Variants in LYRM4 observed in about 807,000 individuals in gnomAD.
LYRM4 encodes LYR motif containing 4.
LYRM4 carries 9 observed loss-of-function variants against 11.7 expected under a neutral mutation model. That is an observed-to-expected ratio of 0.77 (90% CI 0.46 to 1.34). The LOEUF (loss-of-function observed/expected upper bound fraction) is 1.34. LYRM4 is among the 40% of genes most tolerant of loss of function. The probability of loss-of-function intolerance (pLI) is 0.00; values close to 1 mark genes in which losing one functional copy is unlikely to be tolerated. For synonymous variants in LYRM4, 42 were observed against 40.4 expected (o/e 1.04, Z -0.15); for missense variants, 133 against 112.5 (o/e 1.18, Z -0.82).
chr6:5,173,949 C>T (rs1201547755), intron 2 of LYRM4, among the ~76,000 whole-genome samples: 1 of 152,138 alleles, frequency 6.6e-6, no homozygotes, highest in African/African-American at 2.4e-5. Flanking sequence ...TGAAGTGACA[C>T]TGGAAACTAT....
chr6:5,165,754 A>C (rs778266257), intron 2 of LYRM4, among the ~76,000 whole-genome samples: 10 of 152,072 alleles, frequency 6.6e-5, no homozygotes, highest in Non-Finnish European at 1.5e-4. Context: ...TGGTGGCTAG[A>C]GTGGTCTCGA....
chr6:5,112,796 G>A (rs952246139), intron 2 of LYRM4, among the ~76,000 whole-genome samples: 3 of 152,204 alleles, frequency 2.0e-5, no homozygotes, highest in African/African-American at 2.4e-5. Context: ...CTCAAGGGAG[G>A]AAGAGCTCAG....
intron 2 of LYRM4, chr6:5,113,402 A>C: frequency 2.5e-6 from 1 of 406,482 alleles, no homozygotes; most frequent in Non-Finnish European, 5.0e-6. Flanking sequence ...TGGGTGACAG[A>C]GCGAGATTCC....
At chr6:5,225,574 T>C (rs1014155155) in intron 1 of LYRM4, among the ~76,000 whole-genome samples, 7 of 152,234 alleles carry the variant, frequency 4.6e-5, no homozygotes, top group African/African-American at 1.7e-4. Flanking sequence ...TATATACTAT[T>C]GTATAGATGA....
chr6:5,237,192 G>A lies in LYRM4; in HGVS notation c.87-20454C>T, dbSNP rs191218785. Among the ~76,000 whole-genome samples the A allele has an allele frequency of 9.2e-5, 14 of 152,248 alleles. No individual in the cohort carries two copies. In the East Asian group the frequency reaches 2.1e-3, roughly 23 times the overall value. On this transcript the variant is annotated intron_variant, in intron 1 of 2. Coordinates refer to ENST00000330636, the MANE Select transcript of LYRM4 (RefSeq NM_020408.6). ...CTGGGCTGCACAGCAGCAGATGAGC[G>A]AAGCTTCATCTGTATTTATAGCCAC...
chr6:5,132,144 A>C (rs1354958609), intron 2 of LYRM4, among the ~76,000 whole-genome samples: 1 of 152,220 alleles, frequency 6.6e-6, no homozygotes, highest in Non-Finnish European at 1.5e-5. Context: ...CTCAGGGATT[A>C]AGTTTGAGGA....
At chr6:5,150,500 G>A (rs1000021678) in intron 2 of LYRM4, among the ~76,000 whole-genome samples, 2 of 152,148 alleles carry the variant, frequency 1.3e-5, no homozygotes, top group Non-Finnish European at 2.9e-5. Flanking sequence ...ACCTCATAGG[G>A]AGGTGAGGTC....
rs549475807 is a variant in LYRM4 at position 5,260,580 on chromosome 6, G to C, written c.86+68C>G. ...CTCCCAGTCCCCGGGGATATTCCGC[G>C]TCAGCCCGCACCCCCGGTCCCCGGC... On this transcript the variant is annotated intron_variant, in intron 1 of 2. Transcript: ENST00000330636. 1.6e-5 allele frequency: 23 copies of C among 1,397,646 alleles called. 1 individual carries two copies. The South Asian group carries it at 1.8e-4, about 11-fold the overall frequency. 86.6% of individuals were successfully genotyped at this position (1,397,646 alleles called of 1,614,324 possible).
the LYRM4 span, among the ~76,000 whole-genome samples, chr6:5,059,822 C>T: frequency 6.8e-6 from 1 of 147,898 alleles, no homozygotes; most frequent in African/African-American, 2.5e-5. Context: ...TTTTAAGAGA[C>T]AGGGGTCTTG....
chr6:5,144,048 C>T, intron 2 of LYRM4: 2 of 1,433,274 alleles, frequency 1.4e-6, no homozygotes, highest in East Asian at 2.5e-5. Flanking sequence ...GCTTTCCTCC[C>T]TGAATAGCTG....
At chr6:5,218,353 GGGAGCAGCGC>G in intron 1 of LYRM4, 1 of 985,186 alleles carries the variant, frequency 1.0e-6, no homozygotes, top group Non-Finnish European at 1.2e-6. Flanking sequence ...AAATTTCCTT[GGGAGCAGCGC>G]GGAGGGGGTG....
rs1400074332 is a variant in LYRM4 at position 5,129,737 on chromosome 6, T to C, written c.208-20246A>G. ...CATTATTCAGCCTACCAGATCTTCC[T>C]TTATGGCTTTGTTGAAAACAATTAT... On this transcript the variant is annotated intron_variant, in intron 2 of 2. Transcript: ENST00000330636. 2.0e-5 allele frequency among the ~76,000 whole-genome samples: 3 copies of C among 152,376 alleles called. No homozygotes were observed. In the East Asian group the frequency reaches 5.8e-4, roughly 29 times the overall value.
the LYRM4 span, among the ~76,000 whole-genome samples, chr6:5,062,398 A>C: frequency 2.0e-5 from 3 of 151,840 alleles, no homozygotes; most frequent in African/African-American, 7.3e-5. Context: ...TCCTGGCATC[A>C]AGTGATCCTC....
intron 1 of LYRM4, among the ~76,000 whole-genome samples, chr6:5,250,398 A>T (rs2127769374): frequency 6.6e-6 from 1 of 152,206 alleles, no homozygotes; most frequent in African/African-American, 2.4e-5. Context: ...TCACCCCAAA[A>T]CCTTGGCTGC....
At chr6:5,226,190 T>C (rs1360664671) in intron 1 of LYRM4, among the ~76,000 whole-genome samples, 1 of 152,234 alleles carries the variant, frequency 6.6e-6, no homozygotes, top group Non-Finnish European at 1.5e-5. Context: ...GCTTCTGTGT[T>C]ACACATCATA....
rs140261616 is a variant in LYRM4, at chr6:5,247,187, G to C, written c.86+13461C>G. Reference sequence around the variant, plus strand: ...ATTGGGAATTTACCTCAAGTTTCAAGTTTGAGGCAAAAGCATGCTATGCTC... The same window carrying C: ...ATTGGGAATTTACCTCAAGTTTCAACTTTGAGGCAAAAGCATGCTATGCTC... On this transcript the variant is annotated intron_variant, in intron 1 of 2. Transcript: ENST00000330636. Among the ~76,000 whole-genome samples, 3 of 152,288 alleles carry C rather than the reference G, an allele frequency of 2.0e-5. No homozygotes were observed. The East Asian group carries it at 5.8e-4, about 29-fold the overall frequency.
chr6:5,129,919 G>C (rs1763871911), intron 2 of LYRM4, among the ~76,000 whole-genome samples: 1 of 152,258 alleles, frequency 6.6e-6, no homozygotes, highest in African/African-American at 2.4e-5. Context: ...TGAAGCAGGG[G>C]TATGGACGGG....
chr6:5,221,402 C>T (rs923348607), intron 1 of LYRM4, among the ~76,000 whole-genome samples: 4 of 152,170 alleles, frequency 2.6e-5, no homozygotes, highest in Non-Finnish European at 4.4e-5. Flanking sequence ...ACATTCAAAA[C>T]CGAAGTGCCT....
At chr6:5,196,018 C>T (rs1561863173) in intron 2 of LYRM4, among the ~76,000 whole-genome samples, 2 of 152,180 alleles carry the variant, frequency 1.3e-5, no homozygotes, top group Non-Finnish European at 2.9e-5. Flanking sequence ...GCTCTTGTCA[C>T]GTATTAGTTT....
Sources: allele counts gnomAD v4.1 joint callset (sites outside exome capture counted in the v4.1 genomes callset), GRCh38; gene constraint gnomAD v4.1.1; transcripts MANE v1.5; gene names NCBI Gene and HGNC (gene_info 2026-07-23, HGNC 2026-07-21).